Variants in FRYL observed in about 807,000 individuals in gnomAD.
FRYL encodes protein furry homolog-like.
In FRYL, 150 loss-of-function variants were observed where a neutral mutation model predicts 351.2. That is an observed-to-expected ratio of 0.43 (90% CI 0.37 to 0.49). The LOEUF (loss-of-function observed/expected upper bound fraction) is 0.49. FRYL is among the 20% of genes least tolerant of loss of function. The pLI is 0.00. For missense variants in FRYL, 3,036 were observed against 3,619.3 expected, an observed-to-expected ratio of 0.84 and a Z score of 4.13; for synonymous variants, 1,153 against 1,257.1, an observed-to-expected ratio of 0.92 and a Z score of 1.75.
intron 58 of FRYL, among the ~76,000 whole-genome samples, 160 bp downstream of exon 58, chr4:48,510,675 G>C (rs1394159767): frequency 6.6e-6 from 1 of 152,086 alleles, no homozygotes; most frequent in African/African-American, 2.4e-5. Flanking sequence ...ACAAGTTGCT[G>C]CACCTAATAT....
intron 2 of FRYL, among the ~76,000 whole-genome samples, chr4:48,696,351 A>G (rs543301928): frequency 3.3e-4 from 50 of 152,374 alleles, no homozygotes; most frequent in African/African-American, 1.2e-3. Context: ...GCAGCCATAA[A>G]AAAGAATGAG....
intron 1 of FRYL, among the ~76,000 whole-genome samples, chr4:48,753,905 T>C (rs1417904743): frequency 6.6e-6 from 1 of 152,178 alleles, no homozygotes; most frequent in Non-Finnish European, 1.5e-5. Context: ...CCCCACTGAA[T>C]TGTCTTGGTG....
At chr4:48,693,233 C>T (rs1765833782) in intron 2 of FRYL, among the ~76,000 whole-genome samples, 3 of 152,208 alleles carry the variant, frequency 2.0e-5, no homozygotes, top group Non-Finnish European at 4.4e-5. Flanking sequence ...ATCGCTCTAA[C>T]ATCCCATACA....
chr4:48,668,491 G>A (rs1762135588), intron 3 of FRYL, among the ~76,000 whole-genome samples: 1 of 152,056 alleles, frequency 6.6e-6, no homozygotes, highest in Admixed American at 6.6e-5. Context: ...AAGTCAGTGA[G>A]CTAAATATGG....
In FRYL at chr4:48,655,189, T is replaced by C. The variant is rs183291557; in HGVS notation, c.-80-20699A>G. The stretch of plus-strand genomic sequence containing the variant: ...ATTTTTTGGAAGGGGTGGGGGTCAT[T>C]TGAAGGTATATTTTTTCTCAGAGCA... On this transcript the variant is annotated intron_variant, in intron 3 of 63. Coordinates refer to ENST00000358350, the MANE Select transcript of FRYL (RefSeq NM_015030.2). Among the ~76,000 whole-genome samples the C allele has an allele frequency of 6.6e-5, 10 of 152,254 alleles. No homozygotes were observed. In the East Asian group the frequency reaches 1.7e-3, roughly 26 times the overall value.
At position 48,770,937 on chromosome 4, in the gene FRYL, TAG is replaced by T. The variant is rs556590811; in HGVS notation, c.-384+9139_-384+9140del. On this transcript the variant is annotated intron_variant, in intron 1 of 63. Transcript: ENST00000358350. ...AAGAACATTAGAACAGGAAAAATGT[TAG>T]AACAGGAAAAATACTAAACTAAGAA... 2.8e-3 allele frequency among the ~76,000 whole-genome samples: 430 copies of T among 151,792 alleles called. 1 individual carries two copies. Among genetic ancestry groups the T allele is most frequent in the African/African-American group, 1.0e-2 (411 of 41,274 alleles).
In FRYL at chr4:48,540,566, T is replaced by C. The variant is rs1490807877; in HGVS notation, c.6082A>G (p.Lys2028Glu). 1.2e-6 allele frequency: 2 copies of C among 1,613,922 alleles called. No individual in the cohort carries two copies. Among genetic ancestry groups the C allele is most frequent in the Admixed American group, 1.7e-5 (1 of 59,970 alleles). ...TCCAAAGGCAAATGGATAAGCAGTT[T>C]GTTGAGAAGCCTGAGAGCCAGGAGG... Reference protein sequence around the residue: ...EYLLALRLLNKLLIHLPLDKS... With the variant: ...EYLLALRLLNELLIHLPLDKS... The change falls in exon 46 of 64, where the codon AAA (lysine) becomes GAA (glutamate). Residue 2028 changes from lysine (K) to glutamate (E), a missense_variant. Lys to Glu is a moderately conservative substitution (Grantham distance 56). Around this residue, in one of 7 missense-constraint regions of FRYL, gnomAD observed 1,987 missense variants for 2,311.7 expected, o/e 0.86. Coordinates refer to ENST00000358350, the MANE Select transcript of FRYL (RefSeq NM_015030.2).
At chr4:48,581,878 C>T (rs540522166) in intron 20 of FRYL, among the ~76,000 whole-genome samples, 6 of 152,254 alleles carry the variant, frequency 3.9e-5, no homozygotes, top group Admixed American at 1.3e-4. Flanking sequence ...CATCTGATTT[C>T]TATGTGGAAA....
chr4:48,746,929 T>C (rs1772743460), intron 1 of FRYL, among the ~76,000 whole-genome samples: 1 of 152,186 alleles, frequency 6.6e-6, no homozygotes, highest in South Asian at 2.1e-4. Context: ...ACGTGAGAAA[T>C]GCCTGGTGGA....
intron 35 of FRYL, among the ~76,000 whole-genome samples, chr4:48,555,354 G>A (rs1245932946): frequency 6.6e-6 from 1 of 152,186 alleles, no homozygotes; most frequent in Non-Finnish European, 1.5e-5. Flanking sequence ...ACAATCTACT[G>A]GTTGATGCAA....
chr4:48,686,668 G>A (rs567899688), intron 2 of FRYL, among the ~76,000 whole-genome samples: 1 of 152,310 alleles, frequency 6.6e-6, no homozygotes, highest in Admixed American at 6.5e-5. Flanking sequence ...TAGGAATACA[G>A]CAAAAATCCT....
At chr4:48,708,739 T>G (rs921687837) in intron 2 of FRYL, among the ~76,000 whole-genome samples, 1 of 151,978 alleles carries the variant, frequency 6.6e-6, no homozygotes, top group Non-Finnish European at 1.5e-5. Flanking sequence ...ACTAAAGGTG[T>G]GCAACTATCA....
intron 1 of FRYL, among the ~76,000 whole-genome samples, chr4:48,729,041 C>G (rs143117644): frequency 8.5e-5 from 13 of 152,362 alleles, no homozygotes; most frequent in African/African-American, 2.9e-4. Context: ...TTCCCACGGT[C>G]TTCGCAACTG....
At chr4:48,589,309 A>G (rs544197738) in intron 18 of FRYL, among the ~76,000 whole-genome samples, 2 of 151,986 alleles carry the variant, frequency 1.3e-5, no homozygotes, top group Non-Finnish European at 2.9e-5. Flanking sequence ...AAAACTGCTC[A>G]TATGTTATTC....
At chr4:48,773,517 A>G (rs1414124041) in intron 1 of FRYL, among the ~76,000 whole-genome samples, 1 of 152,198 alleles carries the variant, frequency 6.6e-6, no homozygotes, top group Non-Finnish European at 1.5e-5. Flanking sequence ...AAGAGTCATC[A>G]AATGATTATG....
chr4:48,560,470 G>A (rs1735231693), intron 33 of FRYL, among the ~76,000 whole-genome samples: 1 of 152,100 alleles, frequency 6.6e-6, no homozygotes, highest in Non-Finnish European at 1.5e-5. Flanking sequence ...GGGCATGGTG[G>A]ACACCTGTAC....
intron 2 of FRYL, among the ~76,000 whole-genome samples, chr4:48,700,028 C>A (rs1766572342): frequency 6.6e-6 from 1 of 152,122 alleles, no homozygotes; most frequent in Non-Finnish European, 1.5e-5. Context: ...GGAACAGAGT[C>A]CGACTGCCTA....
At chr4:48,715,083 T>G (rs1768611810) in intron 1 of FRYL, among the ~76,000 whole-genome samples, 1 of 152,200 alleles carries the variant, frequency 6.6e-6, no homozygotes, top group African/African-American at 2.4e-5. Flanking sequence ...CCCTTCATGC[T>G]AAAAACTCTC....
intron 3 of FRYL, among the ~76,000 whole-genome samples, chr4:48,682,007 C>T (rs1364329336): frequency 6.6e-6 from 1 of 152,150 alleles, no homozygotes; most frequent in Admixed American, 6.6e-5. Context: ...TCTCTCCCTT[C>T]CTTTGCCTGC....
Sources: allele counts gnomAD v4.1 joint callset (sites outside exome capture counted in the v4.1 genomes callset), GRCh38; gene constraint gnomAD v4.1.1; regional missense constraint gnomAD v4.1.1; transcripts MANE v1.5; gene names NCBI Gene and HGNC (gene_info 2026-07-23, HGNC 2026-07-21).